ABTB3: variants seen among roughly 807,000 people sequenced by gnomAD.
The protein encoded by ABTB3 is ankyrin repeat- and BTB/POZ domain-containing protein 3.
the ABTB3 span, among the ~76,000 whole-genome samples, chr12:107,411,925 T>A: frequency 1.3e-5 from 2 of 152,152 alleles, no homozygotes; most frequent in Non-Finnish European, 2.9e-5. Context: ...TGAGAGCAAG[T>A]CCTTTTATGG....
chr12:107,399,168 A>G, the ABTB3 span, among the ~76,000 whole-genome samples: 9 of 152,202 alleles, frequency 5.9e-5, no homozygotes, highest in Admixed American at 5.2e-4. Flanking sequence ...TGTTTAAGGG[A>G]TGCATTTGAA....
the ABTB3 span, among the ~76,000 whole-genome samples, chr12:107,470,137 C>G: frequency 6.6e-6 from 1 of 151,586 alleles, no homozygotes; most frequent in African/African-American, 2.4e-5. Context: ...CTCTCAGGCT[C>G]AAGTGATTCT....
At chr12:107,454,506 G>A in the ABTB3 span, among the ~76,000 whole-genome samples, 3 of 152,200 alleles carry the variant, frequency 2.0e-5, no homozygotes, top group African/African-American at 7.2e-5. Flanking sequence ...AGCAGAAGGG[G>A]TCCAGATGTT....
At chr12:107,342,830 C>T in the ABTB3 span, among the ~76,000 whole-genome samples, 43 of 152,260 alleles carry the variant, frequency 2.8e-4, no homozygotes, top group African/African-American at 9.9e-4. Flanking sequence ...GGGGTTGCTC[C>T]CATCCAAGCA....
At chr12:107,484,525 A>G in the ABTB3 span, among the ~76,000 whole-genome samples, 1 of 152,082 alleles carries the variant, frequency 6.6e-6, no homozygotes, top group Admixed American at 6.5e-5. Flanking sequence ...CAGGCATTGT[A>G]AGGACTTTGT....
At chr12:107,436,229 T>A in the ABTB3 span, among the ~76,000 whole-genome samples, 3 of 152,174 alleles carry the variant, frequency 2.0e-5, no homozygotes, top group Non-Finnish European at 4.4e-5. Flanking sequence ...TACTGAAGAC[T>A]CTCCAAGGGG....
the ABTB3 span, among the ~76,000 whole-genome samples, chr12:107,428,517 C>T: frequency 1.3e-5 from 2 of 152,216 alleles, no homozygotes; most frequent in Non-Finnish European, 2.9e-5. Flanking sequence ...TCCGCACCCT[C>T]ACCTCCTTGG....
chr12:107,350,396 A>G, the ABTB3 span, among the ~76,000 whole-genome samples: 1 of 151,960 alleles, frequency 6.6e-6, no homozygotes, highest in Non-Finnish European at 1.5e-5. Context: ...TAAAAATACA[A>G]AAAGAAATGG....
chr12:107,352,753 T>G, the ABTB3 span, among the ~76,000 whole-genome samples: 1 of 150,876 alleles, frequency 6.6e-6, no homozygotes, highest in Non-Finnish European at 1.5e-5. Context: ...GAGGAAGGAG[T>G]AGGAGGGGAT....
the ABTB3 span, among the ~76,000 whole-genome samples, chr12:107,587,229 G>A: frequency 6.6e-6 from 1 of 152,234 alleles, no homozygotes; most frequent in Non-Finnish European, 1.5e-5. Context: ...CCTGCAGGGG[G>A]TAGGAGCTGT....
chr12:107,612,216 T>C, the ABTB3 span, among the ~76,000 whole-genome samples: 3 of 152,346 alleles, frequency 2.0e-5, no homozygotes, highest in East Asian at 5.8e-4. Flanking sequence ...CAAGAGTCAT[T>C]GGTGCATCTG....
chr12:107,659,634 T>C, the ABTB3 span: 1 of 152,366 alleles, frequency 6.6e-6, no homozygotes, highest in Admixed American at 6.5e-5. Context: ...AGAAATGATT[T>C]TCCCAGGCCG....
chr12:107,379,474 G>T, the ABTB3 span, among the ~76,000 whole-genome samples: 1 of 152,134 alleles, frequency 6.6e-6, no homozygotes, highest in African/African-American at 2.4e-5. Flanking sequence ...GCCTGCCGCC[G>T]TGTAAGACGT....
chr12:107,335,814 C>T, the ABTB3 span, among the ~76,000 whole-genome samples: 3 of 150,952 alleles, frequency 2.0e-5, no homozygotes, highest in African/African-American at 7.3e-5. Flanking sequence ...GGAAAGAGTG[C>T]TGCGCTTGGA....
the ABTB3 span, among the ~76,000 whole-genome samples, chr12:107,578,801 A>T: frequency 2.6e-5 from 4 of 152,244 alleles, no homozygotes; most frequent in African/African-American, 9.6e-5. Context: ...AGGCTGATTC[A>T]GGCAGAAAAT....
chr12:107,365,916 G>A, the ABTB3 span, among the ~76,000 whole-genome samples: 9,440 of 152,278 alleles, frequency 0.062, 327 homozygotes, highest in Middle Eastern at 0.082. Flanking sequence ...ATCAGAAACC[G>A]CCTCACACTG....
the ABTB3 span, among the ~76,000 whole-genome samples, chr12:107,340,441 A>T: frequency 6.6e-6 from 1 of 152,202 alleles, no homozygotes; most frequent in Non-Finnish European, 1.5e-5. Flanking sequence ...ATCTAGTACA[A>T]AATTTAAACA....
At chr12:107,360,724 G>A in the ABTB3 span, among the ~76,000 whole-genome samples, 2 of 152,080 alleles carry the variant, frequency 1.3e-5, no homozygotes, top group African/African-American at 4.8e-5. Flanking sequence ...CTCACCAAAG[G>A]AGTTCTCTCC....
chr12:107,348,045 A>G, the ABTB3 span, among the ~76,000 whole-genome samples: 25 of 152,040 alleles, frequency 1.6e-4, no homozygotes, highest in African/African-American at 6.0e-4. Flanking sequence ...GTTTTGAAAG[A>G]TGAATAGTTT....
Sources: gnomAD v4.1 joint callset for allele counts (sites outside exome capture counted in the v4.1 genomes callset) on GRCh38, gnomAD v4.1.1 for gene constraint, MANE v1.5 for transcripts, NCBI Gene and HGNC (gene_info 2026-07-23, HGNC 2026-07-21) for gene names.